TENM2: variants seen among roughly 807,000 people sequenced by gnomAD.
TENM2 encodes the protein teneurin transmembrane protein 2.
A neutral mutation model predicts 245.2 loss-of-function variants in TENM2; 52 were observed. That is an observed-to-expected ratio of 0.21 (90% CI 0.17 to 0.27). The LOEUF (loss-of-function observed/expected upper bound fraction) is 0.27. Ranked by LOEUF, TENM2 falls within the 10% of genes least tolerant of loss-of-function variation. TENM2 has a pLI of 1.00. For missense variants in TENM2, 3,046 were observed against 3,666.8 expected (o/e 0.83, Z 4.37); for synonymous variants, 1,363 against 1,438.9 (o/e 0.95, Z 1.19).
chr5:167,480,828 T>C (rs1767714124), intron 2 of TENM2, among the ~76,000 whole-genome samples: 1 of 152,120 alleles, frequency 6.6e-6, no homozygotes, highest in Admixed American at 6.5e-5. Context: ...AAACATAAGA[T>C]AGAGAGATGA....
chr5:167,621,423 G>A (rs958395620), intron 2 of TENM2, among the ~76,000 whole-genome samples: 2 of 152,068 alleles, frequency 1.3e-5, no homozygotes, highest in East Asian at 1.9e-4. Flanking sequence ...ATTCAAAGAC[G>A]CTAAGATGAG....
chr5:167,495,331 T>A (rs749546200), intron 2 of TENM2, among the ~76,000 whole-genome samples: 1 of 151,828 alleles, frequency 6.6e-6, no homozygotes, highest in African/African-American at 2.4e-5. Context: ...ATGGGAATTA[T>A]GCTTGAAAAT....
chr5:167,759,171 C>T (rs1259202941), intron 2 of TENM2, among the ~76,000 whole-genome samples: 1 of 148,748 alleles, frequency 6.7e-6, no homozygotes, highest in Non-Finnish European at 1.5e-5. Flanking sequence ...TACTTGGGTT[C>T]AAATCCCAGT....
chr5:168,098,222 A>T (rs1307889983), intron 9 of TENM2, 95 bp downstream of exon 11: 6 of 832,130 alleles, frequency 7.2e-6, no homozygotes, highest in Non-Finnish European at 1.2e-5. Context: ...TAGCCTTCCC[A>T]TCAAATCCCC....
At chr5:167,551,244 T>A (rs1772919232) in intron 2 of TENM2, among the ~76,000 whole-genome samples, 1 of 152,218 alleles carries the variant, frequency 6.6e-6, no homozygotes, top group Non-Finnish European at 1.5e-5. Context: ...TAGTGTTGAC[T>A]ATGTGTCAGG....
At chr5:167,689,456 C>G (rs1757283239) in intron 2 of TENM2, among the ~76,000 whole-genome samples, 1 of 152,198 alleles carries the variant, frequency 6.6e-6, no homozygotes, top group African/African-American at 2.4e-5. Flanking sequence ...GTATGGCCCT[C>G]CATCAACTCT....
chr5:167,834,965 T>C (rs1226922968), intron 2 of TENM2, among the ~76,000 whole-genome samples: 1 of 152,210 alleles, frequency 6.6e-6, no homozygotes, highest in Non-Finnish European at 1.5e-5. Context: ...GTCTGTACAA[T>C]TTCAACTAAG....
chr5:167,577,158 G>T (rs1272192110), intron 2 of TENM2, among the ~76,000 whole-genome samples: 1 of 152,124 alleles, frequency 6.6e-6, no homozygotes, highest in African/African-American at 2.4e-5. Context: ...GCAATTTCAG[G>T]ACCAATGACC....
At chr5:167,839,105 T>C (rs929804573) in intron 2 of TENM2, among the ~76,000 whole-genome samples, 5 of 152,216 alleles carry the variant, frequency 3.3e-5, no homozygotes, top group Admixed American at 3.3e-4. Context: ...GATTAAAACT[T>C]GACAAAAATC....
intron 2 of TENM2, among the ~76,000 whole-genome samples, chr5:167,487,647 A>G (rs927786940): frequency 6.6e-6 from 1 of 152,204 alleles, no homozygotes; most frequent in Non-Finnish European, 1.5e-5. Context: ...CTAATGGAAT[A>G]TCTACTTTCA....
chr5:167,585,364 T>G (rs972053052), intron 2 of TENM2, among the ~76,000 whole-genome samples: 1 of 152,204 alleles, frequency 6.6e-6, no homozygotes, highest in East Asian at 1.9e-4. Context: ...TTTACAAGAT[T>G]TTGAACCTTG....
At chr5:167,895,282 GAC>G (rs1183056154) in intron 3 of TENM2, among the ~76,000 whole-genome samples, 1 of 151,548 alleles carries the variant, frequency 6.6e-6, no homozygotes, top group Non-Finnish European at 1.5e-5. Context: ...GTACTTTTGA[GAC>G]TAATCTTTGA....
chr5:168,153,197 A>G (rs534134226), intron 12 of TENM2, among the ~76,000 whole-genome samples: 1 of 152,074 alleles, frequency 6.6e-6, no homozygotes, highest in Admixed American at 6.6e-5. Context: ...TCCATTGCAC[A>G]TAGGAATCAC....
At chr5:167,742,964 G>A (rs1761289756) in intron 2 of TENM2, among the ~76,000 whole-genome samples, 2 of 137,388 alleles carry the variant, frequency 1.5e-5, no homozygotes, top group Non-Finnish European at 3.1e-5. Context: ...GACAGAGTGA[G>A]ACCTTGTCTT....
At chr5:167,873,479 C>T (rs973025237) in intron 2 of TENM2, among the ~76,000 whole-genome samples, 4 of 151,994 alleles carry the variant, frequency 2.6e-5, no homozygotes, top group African/African-American at 7.3e-5. Context: ...ACTATCTGTG[C>T]GGTTTAACCT....
chr5:167,411,621 A>C (rs1015730314), intron 2 of TENM2, among the ~76,000 whole-genome samples: 1 of 143,934 alleles, frequency 6.9e-6, no homozygotes, highest in Admixed American at 7.0e-5. Context: ...TGTATGTGAG[A>C]GAGAGAGAGA....
rs1767638508 is a variant in TENM2 at position 168,256,191 on chromosome 5, AG to A, written c.7433-4091del. Among the ~76,000 whole-genome samples the A allele has an allele frequency of 5.3e-5, 8 of 149,938 alleles. No individual in the cohort carries two copies. In the South Asian group the frequency reaches 1.7e-3, roughly 31 times the overall value. On this transcript the variant is annotated intron_variant, in intron 27 of 28. Transcript: ENST00000518659. Reference sequence around the variant, plus strand: ...ATAAATAATAATACAAGTGATACCTAGATATGGCAAATATATATATATGTCT... The same window carrying A: ...ATAAATAATAATACAAGTGATACCTAATATGGCAAATATATATATATGTCT...
At chr5:167,447,066 G>A (rs1765269550) in intron 2 of TENM2, among the ~76,000 whole-genome samples, 1 of 152,150 alleles carries the variant, frequency 6.6e-6, no homozygotes, top group African/African-American at 2.4e-5. Context: ...TCACATTGGG[G>A]TTTTCAGATT....
chr5:168,259,205 A>C (rs1767961164), intron 27 of TENM2, among the ~76,000 whole-genome samples: 1 of 152,164 alleles, frequency 6.6e-6, no homozygotes, highest in South Asian at 2.1e-4. Context: ...AGGTGGCATA[A>C]TTCCCAATGC....
Sources: gnomAD v4.1 joint callset for allele counts (sites outside exome capture counted in the v4.1 genomes callset) on GRCh38, gnomAD v4.1.1 for gene constraint, MANE v1.5 for transcripts, NCBI Gene and HGNC (gene_info 2026-07-23, HGNC 2026-07-21) for gene names.